Variants in PRH1 observed in about 807,000 individuals in gnomAD.
The protein encoded by PRH1 is proline rich protein HaeIII subfamily 1.
Under a neutral mutation model 7.9 loss-of-function variants are expected in PRH1, and 7 were observed. The ratio of observed to expected loss-of-function variants is 0.89; its 90% CI spans 0.50 to 1.67. PRH1 has a LOEUF of 1.67. Ranked by LOEUF, PRH1 falls within the 40% of genes most tolerant of loss-of-function variation. PRH1 has a pLI of 0.00. For missense variants in PRH1, 109 were observed against 223.6 expected, an observed-to-expected ratio of 0.49 and a Z score of 3.27; for synonymous variants, 45 against 80.8, an observed-to-expected ratio of 0.56 and a Z score of 2.38.
chr12:10,971,510 C>G (rs1023800317), intron 2 of PRH1, among the ~76,000 whole-genome samples: 1 of 151,910 alleles, frequency 6.6e-6, no homozygotes, highest in Admixed American at 6.6e-5. Flanking sequence ...TCTATTTTAT[C>G]ACTGATAGAC....
chr12:11,059,226 G>C (rs1373353429), intron 1 of PRH1, among the ~76,000 whole-genome samples: 4 of 151,736 alleles, frequency 2.6e-5, no homozygotes, highest in Non-Finnish European at 5.9e-5. Context: ...TTCTGGAAAA[G>C]TGCTGGGAGC....
At chr12:10,970,406 C>G (rs572691198) in intron 2 of PRH1, among the ~76,000 whole-genome samples, 172 of 152,162 alleles carry the variant, frequency 1.1e-3, no homozygotes, top group African/African-American at 4.0e-3. Flanking sequence ...ATTTCTGTCA[C>G]TTTGTGCATT....
Position 10,882,199 on chromosome 12 carries a change from A to G in PRH1, c.*18+18T>C, listed in dbSNP as rs781684634. The stretch of plus-strand genomic sequence containing the variant: ...GTAGCAGTTGGAGCCTTTGATGGAT[A>G]ATAAACTGGAATCGTACCTGTCATT... On this transcript the variant is annotated intron_variant, in intron 3 of 3. Transcript: ENST00000543626. 6.2e-7 allele frequency: 1 copy of G among 1,612,614 alleles called. No individual in the cohort carries two copies. The highest frequency in any genetic ancestry group is 8.5e-7 in the Non-Finnish European group (1 of 1,179,678).
At chr12:10,999,973 C>T (rs937112057) in intron 1 of PRH1, among the ~76,000 whole-genome samples, 2 of 152,020 alleles carry the variant, frequency 1.3e-5, no homozygotes, top group African/African-American at 4.8e-5. Flanking sequence ...TTCAATCATC[C>T]TTAGTTAATA....
At chr12:11,108,754 C>T (rs1426318537) in intron 1 of PRH1, among the ~76,000 whole-genome samples, 2 of 152,296 alleles carry the variant, frequency 1.3e-5, no homozygotes, top group East Asian at 1.9e-4. Flanking sequence ...TTTGGGCAGA[C>T]ACCAAGCTAG....
chr12:11,017,017 C>G (rs1056293034), intron 1 of PRH1, among the ~76,000 whole-genome samples: 12 of 152,210 alleles, frequency 7.9e-5, no homozygotes, highest in African/African-American at 2.9e-4. Context: ...AAAATGAATG[C>G]AGATTTCCAT....
chr12:10,993,759 A>T (rs562292244), intron 1 of PRH1, among the ~76,000 whole-genome samples: 1 of 150,278 alleles, frequency 6.7e-6, no homozygotes, highest in Non-Finnish European at 1.5e-5. Context: ...TGTAGGCTCT[A>T]GTCCAAGCTG....
downstream of PRH1, among the ~76,000 whole-genome samples, chr12:11,119,415 TAA>T (rs745540109): frequency 8.5e-5 from 13 of 152,162 alleles, no homozygotes; most frequent in Admixed American, 3.9e-4. Context: ...TTAACGTAAC[TAA>T]AAGAGTATAA....
intron 1 of PRH1, chr12:11,091,270 T>G (rs1944882371): frequency 8.6e-7 from 1 of 1,166,502 alleles, no homozygotes. Context: ...TGTTTCCTGC[T>G]AGAAGATACA....
chr12:11,128,885 T>C (rs1368492456), intron 1 of PRH1, among the ~76,000 whole-genome samples: 3 of 152,196 alleles, frequency 2.0e-5, no homozygotes, highest in African/African-American at 7.2e-5. Flanking sequence ...ATTGATTTGA[T>C]CCTGTTTCTC....
chr12:11,148,010 G>A (rs1254066033), intron 1 of PRH1, among the ~76,000 whole-genome samples: 1 of 146,860 alleles, frequency 6.8e-6, no homozygotes, highest in Non-Finnish European at 1.5e-5. Context: ...CACATCCCTT[G>A]TAAGTTGGAC....
chr12:11,030,509 G>C (rs12318612), intron 1 of PRH1: 358,163 of 1,609,328 alleles, frequency 0.22, 26,783 homozygotes, highest in Non-Finnish European at 0.25. Flanking sequence ...CAGGATGAAT[G>C]GGTGGATTGA....
chr12:10,943,821 T>C (rs1022005358), intron 2 of PRH1, among the ~76,000 whole-genome samples: 1 of 152,234 alleles, frequency 6.6e-6, no homozygotes, highest in South Asian at 2.1e-4. Flanking sequence ...ATTTATTAAA[T>C]ACGAAGTCTT....
intron 2 of PRH1, among the ~76,000 whole-genome samples, chr12:10,948,868 G>T (rs1447393050): frequency 1.3e-5 from 2 of 152,190 alleles, no homozygotes; most frequent in Admixed American, 6.5e-5. Flanking sequence ...TGGCTTCAAA[G>T]GGGGTTATGT....
At chr12:10,966,843 C>T (rs369280810) in intron 2 of PRH1, among the ~76,000 whole-genome samples, 7 of 152,028 alleles carry the variant, frequency 4.6e-5, no homozygotes, top group African/African-American at 1.4e-4. Flanking sequence ...AGGCTGGGCG[C>T]GGTGGCTCAC....
Position 11,085,757 on chromosome 12 carries a change from C to G in PRH1, n.124-38569G>C, listed in dbSNP as rs9697545. ...AATTCTCAATTCCAGGCATACAAAT[C>G]AAGTCATATTCTTATTCATCATTTT... On this transcript the variant is annotated intron_variant and non_coding_transcript_variant, in intron 1 of 4. Transcript: ENST00000541977. Among the ~76,000 whole-genome samples, 3 of 106,978 alleles carry G rather than the reference C, an allele frequency of 2.8e-5. 1 individual carries two copies. The highest frequency in any genetic ancestry group is 6.8e-5 in the Non-Finnish European group (3 of 44,238). 70.2% of individuals were successfully genotyped at this position (106,978 alleles called of 152,430 possible).
chr12:10,911,397 A>G (rs7299223), intron 2 of PRH1, among the ~76,000 whole-genome samples: 74,661 of 152,078 alleles, frequency 0.49, 20,771 homozygotes, highest in East Asian at 0.72. Flanking sequence ...TTAAAAATAT[A>G]AATTTAATCA....
chr12:11,021,607 T>C, intron 1 of PRH1: 1 of 1,354,032 alleles, frequency 7.4e-7, no homozygotes, highest in South Asian at 1.4e-5. Context: ...CAGTTTGTTT[T>C]CTGCTAGAAG....
At chr12:10,922,818 A>ATTTTTTTTTT (rs1338757664) in intron 2 of PRH1, among the ~76,000 whole-genome samples, 2 of 16,458 alleles carry the variant, frequency 1.2e-4, no homozygotes, top group Admixed American at 1.2e-3. Flanking sequence ...TTTTCCATGA[A>ATTTTTTTTTT]TTTTTTCTTT....
Sources: allele counts gnomAD v4.1 joint callset (sites outside exome capture counted in the v4.1 genomes callset), GRCh38; gene constraint gnomAD v4.1.1; transcripts MANE v1.5; gene names NCBI Gene and HGNC (gene_info 2026-07-23, HGNC 2026-07-21).